TIGAR: variants seen among roughly 807,000 people sequenced by gnomAD.
TIGAR encodes the protein fructose-2,6-bisphosphatase TIGAR.
Under a neutral mutation model 17.9 loss-of-function variants are expected in TIGAR, and 7 were observed. The observed-to-expected ratio is 0.39, with a 90% confidence interval of 0.22 to 0.73. The LOEUF (loss-of-function observed/expected upper bound fraction) is 0.73, where lower values mean the gene tolerates loss of function less well. Ranked by LOEUF, TIGAR falls within the 30% of genes least tolerant of loss-of-function variation. The pLI, the probability that TIGAR is intolerant of heterozygous loss-of-function variation, is 0.42. For missense variants in TIGAR, 258 were observed against 327.4 expected (o/e 0.79, Z 1.64); for synonymous variants, 94 against 108.6 (o/e 0.87, Z 0.84).
At chr12:4,324,535 C>T (rs1160232230) in intron 1 of TIGAR, 4 of 1,609,356 alleles carry the variant, frequency 2.5e-6, no homozygotes, top group East Asian at 4.5e-5. Flanking sequence ...GCCCACCATG[C>T]TGCCCACCAT....
chr12:4,359,906 T>G lies in TIGAR; in HGVS notation c.*7215T>G, dbSNP rs1864956376. Among the ~76,000 whole-genome samples, 1 of 151,022 alleles carries G rather than the reference T, an allele frequency of 6.6e-6. No individual in the cohort carries two copies. Among genetic ancestry groups the G allele is most frequent in the African/African-American group, 2.5e-5 (1 of 40,366 alleles). ...AAAATTTTAGCCATTCTGATTGTTG[T>G]ATGGTAGTATATCCCTGCAATTTTA... is the stretch of plus-strand genomic sequence containing the variant. On this transcript the variant is annotated 3_prime_UTR_variant, in exon 6 of 6. Transcript: ENST00000179259.
chr12:4,352,191 G>C (rs960548620), intron 5 of TIGAR, 69 bp from the exon 6 acceptor site: 2 of 1,366,630 alleles, frequency 1.5e-6, no homozygotes, highest in African/African-American at 2.9e-5. Flanking sequence ...AGTCAGTTAT[G>C]TTCTATGTTA....
At chr12:4,341,168 A>G (rs1864715332) in intron 3 of TIGAR, among the ~76,000 whole-genome samples, 1 of 152,240 alleles carries the variant, frequency 6.6e-6, no homozygotes, top group Non-Finnish European at 1.5e-5. Flanking sequence ...ACCAGAGTAT[A>G]TAAGGAGCTC....
At chr12:4,334,407 C>G (rs1179900854) in intron 2 of TIGAR, among the ~76,000 whole-genome samples, 1 of 152,208 alleles carries the variant, frequency 6.6e-6, no homozygotes, top group African/African-American at 2.4e-5. Flanking sequence ...CTCCCAAAGG[C>G]CTGCCTCCTA....
chr12:4,328,957 C>T (rs908791612), intron 1 of TIGAR, among the ~76,000 whole-genome samples: 2 of 152,162 alleles, frequency 1.3e-5, no homozygotes, highest in Admixed American at 6.5e-5. Flanking sequence ...AAACAATTCT[C>T]CGTAGTCTTC....
chr12:4,321,391 T>A lies in TIGAR; in HGVS notation c.32+88T>A. On this transcript the variant is annotated intron_variant, in intron 1 of 5. Transcript: ENST00000179259. This position sits in a 1 kb window ranked among gnomAD's most constrained non-coding sequence, Gnocchi z 5.2. ...AAGGGAAAACGGGTCCACCACCCTC[T>A]CCCCTCCCTGCTCGCTCCAGCCCGG... 1 of 1,563,280 alleles carries A rather than the reference T, an allele frequency of 6.4e-7. No homozygotes were observed. The highest frequency in any genetic ancestry group is 8.7e-7 in the Non-Finnish European group (1 of 1,151,152).
At chr12:4,336,079 A>C (rs1464769542) in intron 2 of TIGAR, among the ~76,000 whole-genome samples, 1 of 152,160 alleles carries the variant, frequency 6.6e-6, no homozygotes, top group African/African-American at 2.4e-5. Context: ...GCTTTGGTTT[A>C]TGGTAGATTA....
At chr12:4,325,528 G>T (rs1378710365) in intron 1 of TIGAR, among the ~76,000 whole-genome samples, 1 of 151,912 alleles carries the variant, frequency 6.6e-6, no homozygotes, top group Non-Finnish European at 1.5e-5. Context: ...ATCACCTGAG[G>T]CCGGGAGTTC....
intron 1 of TIGAR, among the ~76,000 whole-genome samples, chr12:4,328,643 C>A (rs1864571779): frequency 6.7e-6 from 1 of 148,774 alleles, no homozygotes; most frequent in African/African-American, 2.5e-5. Context: ...GTGGCATGAT[C>A]TTGGCTCACT....
At position 4,358,332 on chromosome 12, in the gene TIGAR, C is replaced by T. The variant is rs951604679; in HGVS notation, c.*5641C>T. Reference sequence around the variant, plus strand: ...AAGAAAAATCACTGAGCTACTGTATCCTCATAGAGAATAATTACAGTAATG... The same window carrying T: ...AAGAAAAATCACTGAGCTACTGTATTCTCATAGAGAATAATTACAGTAATG... On this transcript the variant is annotated 3_prime_UTR_variant, in exon 6 of 6. Transcript: ENST00000179259. 2.6e-5 allele frequency among the ~76,000 whole-genome samples: 4 copies of T among 151,476 alleles called. No individual in the cohort carries two copies. Among genetic ancestry groups the T allele is most frequent in the Non-Finnish European group, 5.9e-5 (4 of 67,886 alleles).
At chr12:4,329,513 A>G (rs1012999427) in intron 1 of TIGAR, among the ~76,000 whole-genome samples, 26 of 151,538 alleles carry the variant, frequency 1.7e-4, no homozygotes, top group African/African-American at 5.8e-4. Context: ...TAAATTTTGT[A>G]TTTTTAGTAG....
Position 4,355,057 on chromosome 12 carries a change from C to A in TIGAR, c.*2366C>A, listed in dbSNP as rs1327230574. Among the ~76,000 whole-genome samples the A allele has an allele frequency of 6.6e-6, 1 of 151,936 alleles. No individual in the cohort carries two copies. The highest frequency in any genetic ancestry group is 1.5e-5 in the Non-Finnish European group (1 of 67,968). The stretch of plus-strand genomic sequence containing the variant: ...ATGATGCATTTTTTTAATATGTGTT[C>A]TTAATTTTTAAGACAAACCAATATA... On this transcript the variant is annotated 3_prime_UTR_variant, in exon 6 of 6. Transcript: ENST00000179259.
intron 3 of TIGAR, among the ~76,000 whole-genome samples, chr12:4,346,644 T>C (rs906767617): frequency 3.3e-5 from 5 of 152,080 alleles, no homozygotes; most frequent in African/African-American, 7.2e-5. Flanking sequence ...TTAGTAGATA[T>C]ACCTAATGTA....
chr12:4,336,949 A>G, intron 2 of TIGAR, 90 bp from the exon 3 acceptor site: 1 of 1,337,078 alleles, frequency 7.5e-7, no homozygotes, highest in Admixed American at 2.7e-5. Context: ...TAAAATTTAG[A>G]TAAATGCAGC....
chr12:4,357,316 A>G lies in TIGAR; in HGVS notation c.*4625A>G, dbSNP rs1322862950. Among the ~76,000 whole-genome samples, 1 of 152,244 alleles carries G rather than the reference A, an allele frequency of 6.6e-6. No individual in the cohort carries two copies. Among genetic ancestry groups the G allele is most frequent in the Admixed American group, 6.5e-5 (1 of 15,290 alleles). On this transcript the variant is annotated 3_prime_UTR_variant, in exon 6 of 6. Transcript: ENST00000179259. The stretch of plus-strand genomic sequence containing the variant: ...AGTCACAATTTAATTGAAATAGATC[A>G]TCCTAGGTGAATCCACCTGGCATAA...
chr12:4,349,498 A>G (rs1591665589), intron 3 of TIGAR, among the ~76,000 whole-genome samples: 2 of 151,942 alleles, frequency 1.3e-5, no homozygotes, highest in African/African-American at 2.4e-5. Flanking sequence ...GCTCACTGCA[A>G]CCTCCGCCTC....
chr12:4,331,782 C>G (rs1591660312), intron 2 of TIGAR, among the ~76,000 whole-genome samples: 1 of 152,112 alleles, frequency 6.6e-6, no homozygotes, highest in Non-Finnish European at 1.5e-5. Context: ...GAGATTCTTT[C>G]TCCCTTTTTC....
At position 4,355,799 on chromosome 12, in the gene TIGAR, A is replaced by C. The variant is rs368995457; in HGVS notation, c.*3108A>C. Among the ~76,000 whole-genome samples the C allele has an allele frequency of 2.9e-4, 44 of 152,232 alleles. No individual in the cohort carries two copies. Among genetic ancestry groups the C allele is most frequent in the African/African-American group, 1.0e-3 (43 of 41,540 alleles). ...AGTAAGGGGGATGGAGACTGGTGGGAGGAATGCTGCTTTATCCAGGATGGG... is the reference window on the plus strand; with the variant it reads ...AGTAAGGGGGATGGAGACTGGTGGGCGGAATGCTGCTTTATCCAGGATGGG... On this transcript the variant is annotated 3_prime_UTR_variant, in exon 6 of 6. Coordinates refer to ENST00000179259, the MANE Select transcript of TIGAR (RefSeq NM_020375.3).
rs1160939638 is a variant in TIGAR, at chr12:4,354,736, T to G, written c.*2045T>G. The G allele has an allele frequency of 6.7e-6, 1 of 148,986 alleles. No individual in the cohort carries two copies. The highest frequency in any genetic ancestry group is 1.5e-5 in the Non-Finnish European group (1 of 67,010). The allele number at this position is 148,986 out of a possible 1,614,324, so 9.2% of individuals were successfully genotyped here. Reference sequence around the variant, plus strand: ...TTTTATTTTCTTTGCTTTTTTTCTTTTTTTTTTTTTTTGGAGACAGAGTCT... The same window carrying G: ...TTTTATTTTCTTTGCTTTTTTTCTTGTTTTTTTTTTTTGGAGACAGAGTCT... On this transcript the variant is annotated 3_prime_UTR_variant, in exon 6 of 6. Coordinates refer to ENST00000179259, the MANE Select transcript of TIGAR (RefSeq NM_020375.3).
Sources: allele counts gnomAD v4.1 joint callset (sites outside exome capture counted in the v4.1 genomes callset), GRCh38; gene constraint gnomAD v4.1.1; non-coding constraint Gnocchi (gnomAD v3.1); transcripts MANE v1.5; gene names NCBI Gene and HGNC (gene_info 2026-07-23, HGNC 2026-07-21).